SBK1: variants seen among roughly 807,000 people sequenced by gnomAD.
SBK1 encodes serine/threonine-protein kinase SBK1.
Under a neutral mutation model 24.4 loss-of-function variants are expected in SBK1, and 11 were observed. The observed-to-expected ratio is 0.45, with a 90% CI of 0.28 to 0.75. The LOEUF is 0.75. Ranked by LOEUF, SBK1 falls within the 30% of genes least tolerant of loss-of-function variation. The pLI is 0.12. For synonymous variants in SBK1, 308 were observed against 284.4 expected (o/e 1.08, Z -0.83); for missense variants, 467 against 620.5 (o/e 0.75, Z 2.63).
intron 1 of SBK1, among the ~76,000 whole-genome samples, chr16:28,276,480 G>A (rs1354294706): frequency 1.3e-5 from 2 of 152,072 alleles, no homozygotes; most frequent in Non-Finnish European, 2.9e-5. Flanking sequence ...GGCTTGCTTG[G>A]TGCAGGCAGA....
At chr16:28,269,931 C>T (rs770900243) in intron 1 of SBK1, among the ~76,000 whole-genome samples, 4 of 152,038 alleles carry the variant, frequency 2.6e-5, no homozygotes, top group Non-Finnish European at 5.9e-5. Flanking sequence ...CAAAGCCAAT[C>T]GCCAGTAAAT....
rs2044613160 is a variant in SBK1, at chr16:28,293,081, C to G, written c.-227C>G. The G allele has an allele frequency of 1.0e-6, 1 of 985,724 alleles. No individual in the cohort carries two copies. The allele number at this position is 985,724 out of a possible 1,614,324, so 61.1% of individuals were successfully genotyped here. ...CCCCCAACTCCGGTACATAGAAATC[C>G]CAAATCTAGGCAGCCGGGGACAGCA... is the stretch of plus-strand genomic sequence containing the variant. On this transcript the variant is annotated 5_prime_UTR_variant, in exon 1 of 4. Transcript: ENST00000341901.
chr16:28,290,146 G>A (rs747690140), upstream of SBK1, among the ~76,000 whole-genome samples: 7 of 151,982 alleles, frequency 4.6e-5, no homozygotes, highest in Admixed American at 2.6e-4. Flanking sequence ...GGTCAAGGCC[G>A]AATGGAGAAG....
chr16:28,323,046 A>G lies in SBK1; in HGVS notation c.*2125A>G, dbSNP rs368489806. 1.5e-5 allele frequency: 2 copies of G among 129,264 alleles called. No individual in the cohort carries two copies. The highest frequency in any genetic ancestry group is 8.6e-5 in the Admixed American group (1 of 11,634). 8.0% of individuals were successfully genotyped at this position (129,264 alleles called of 1,614,324 possible). A position where few individuals can be genotyped will look rare whatever the true frequency, so the allele number is the denominator to read the frequency against. On this transcript the variant is annotated 3_prime_UTR_variant, in exon 4 of 4. Coordinates refer to ENST00000341901, the MANE Select transcript of SBK1 (RefSeq NM_001024401.3). ...CGGGAGTTTCCCCAGCCGTTGTAGT[A>G]TCTAGTATGTTAGAGTTGGGAGGGG...
intron 1 of SBK1, among the ~76,000 whole-genome samples, chr16:28,271,165 C>T (rs1049508122): frequency 9.9e-5 from 15 of 152,156 alleles, no homozygotes; most frequent in Admixed American, 2.6e-4. Context: ...ACCCGGCCTA[C>T]GCACCCTTAC....
rs1204217291 is a variant in SBK1 at position 28,296,151 on chromosome 16, G to A, written c.-8+2851G>A. Among the ~76,000 whole-genome samples, 23 of 146,906 alleles carry A rather than the reference G, an allele frequency of 1.6e-4. No individual in the cohort carries two copies. The East Asian group carries it at 2.8e-3, about 18-fold the overall frequency. On this transcript the variant is annotated intron_variant, in intron 1 of 3. Coordinates refer to ENST00000341901, the MANE Select transcript of SBK1 (RefSeq NM_001024401.3). ...GCTCTGTTGCCCAGGCTGAAGTGTCGTGGCACAATCTCGGCTCGCTGCGAC... is the reference window on the plus strand; with the variant it reads ...GCTCTGTTGCCCAGGCTGAAGTGTCATGGCACAATCTCGGCTCGCTGCGAC...
chr16:28,322,516 G>C lies in SBK1; in HGVS notation c.*1595G>C, dbSNP rs1157285635. 1 of 152,866 alleles carries C rather than the reference G, an allele frequency of 6.5e-6. No homozygotes were observed. Among genetic ancestry groups the C allele is most frequent in the Admixed American group, 6.5e-5 (1 of 15,268 alleles). 9.5% of individuals were successfully genotyped at this position (152,866 alleles called of 1,614,324 possible). A position where few individuals can be genotyped will look rare whatever the true frequency, so the allele number is the denominator to read the frequency against. On this transcript the variant is annotated 3_prime_UTR_variant, in exon 4 of 4. Transcript: ENST00000341901. ...AGTGAACTCCGAGCACTTTCTGGCTGGTGCCCCAACCTCTCCACTCCCCAC... is the reference window on the plus strand; with the variant it reads ...AGTGAACTCCGAGCACTTTCTGGCTCGTGCCCCAACCTCTCCACTCCCCAC...
At chr16:28,310,738 A>G (rs1567678920) in intron 1 of SBK1, among the ~76,000 whole-genome samples, 1 of 152,168 alleles carries the variant, frequency 6.6e-6, no homozygotes, top group Non-Finnish European at 1.5e-5. Context: ...GATTAAGTGC[A>G]TTAGTCCTGA....
In SBK1 at chr16:28,322,913, GCGCGCGCTCTCTCTCTCCCT is replaced by G. The variant is rs1567682842; in HGVS notation, c.*1994_*2013del. 3.2e-5 allele frequency: 3 copies of G among 94,584 alleles called. No individual in the cohort carries two copies. The highest frequency in any genetic ancestry group is 1.2e-4 in the African/African-American group (3 of 25,888). 5.9% of individuals were successfully genotyped at this position (94,584 alleles called of 1,614,324 possible). A position where few individuals can be genotyped will look rare whatever the true frequency, so the allele number is the denominator to read the frequency against. ...CCTTGCCGTGCTCGCTCTCTCTCTC[GCGCGCGCTCTCTCTCTCCCT>G]CTCTCTCTCTCTCTCTCTCTCTCTC... On this transcript the variant is annotated 3_prime_UTR_variant, in exon 4 of 4. Transcript: ENST00000341901.
At chr16:28,268,608 CA>C (rs2044444484) in intron 1 of SBK1, among the ~76,000 whole-genome samples, 1 of 151,716 alleles carries the variant, frequency 6.6e-6, no homozygotes, top group Non-Finnish European at 1.5e-5. Flanking sequence ...ACTAAAAATA[CA>C]AAAATTAATC....
chr16:28,270,763 G>A (rs1239417496), intron 1 of SBK1, among the ~76,000 whole-genome samples: 1 of 151,868 alleles, frequency 6.6e-6, no homozygotes, highest in Non-Finnish European at 1.5e-5. Context: ...TACTAATAAA[G>A]TGAGAGTAGA....
chr16:28,277,895 G>A (rs1165843576), intron 1 of SBK1, among the ~76,000 whole-genome samples: 2 of 152,242 alleles, frequency 1.3e-5, no homozygotes, highest in Admixed American at 6.5e-5. Flanking sequence ...TCACATATGC[G>A]GACCGGCCGG....
In SBK1 at chr16:28,292,987, A is replaced by T. The variant is rs2044612339; in HGVS notation, c.-321A>T. On this transcript the variant is annotated 5_prime_UTR_variant, in exon 1 of 4. Transcript: ENST00000341901. ...GAGAACCCCCTCCCAAGATCCGGTC[A>T]TTACAACTCCACACCTCAAGACAAG... is the stretch of plus-strand genomic sequence containing the variant. 2.0e-6 allele frequency: 2 copies of T among 985,030 alleles called. No homozygotes were observed. The highest frequency in any genetic ancestry group is 2.4e-6 in the Non-Finnish European group (2 of 829,794). The allele number at this position is 985,030 out of a possible 1,614,324, so 61.0% of individuals were successfully genotyped here.
At chr16:28,308,151 C>T (rs889404737) in intron 1 of SBK1, among the ~76,000 whole-genome samples, 2 of 152,116 alleles carry the variant, frequency 1.3e-5, no homozygotes, top group Non-Finnish European at 1.5e-5. Flanking sequence ...CAAATCTAAT[C>T]TCTCTGGTTT....
chr16:28,298,036 G>A (rs2044652868), intron 1 of SBK1, among the ~76,000 whole-genome samples: 1 of 152,134 alleles, frequency 6.6e-6, no homozygotes, highest in African/African-American at 2.4e-5. Flanking sequence ...GCCTTCTGCT[G>A]GAGAGTTTCC....
At chr16:28,280,462 TG>T (rs1366749272) in intron 1 of SBK1, among the ~76,000 whole-genome samples, 5 of 150,980 alleles carry the variant, frequency 3.3e-5, no homozygotes, top group Non-Finnish European at 7.4e-5. Flanking sequence ...CTCAAAATGC[TG>T]GAATTACAGG....
intron 1 of SBK1, among the ~76,000 whole-genome samples, chr16:28,263,940 CATA>C: frequency 6.6e-6 from 1 of 152,118 alleles, no homozygotes; most frequent in East Asian, 1.9e-4. Flanking sequence ...GCCTGGGCAA[CATA>C]ATGAGATCCT....
At chr16:28,270,957 G>A (rs1433114194) in intron 1 of SBK1, among the ~76,000 whole-genome samples, 2 of 151,858 alleles carry the variant, frequency 1.3e-5, no homozygotes, top group Non-Finnish European at 2.9e-5. Flanking sequence ...TCCGCCTCCC[G>A]GGTACATGCC....
chr16:28,287,686 C>T (rs536512478), upstream of SBK1, among the ~76,000 whole-genome samples: 3 of 152,176 alleles, frequency 2.0e-5, no homozygotes, highest in African/African-American at 7.2e-5. Context: ...TTTTGAAAGA[C>T]AGAGTTTCAC....
Sources: gnomAD v4.1 joint callset for allele counts (sites outside exome capture counted in the v4.1 genomes callset) on GRCh38, gnomAD v4.1.1 for gene constraint, MANE v1.5 for transcripts, NCBI Gene and HGNC (gene_info 2026-07-23, HGNC 2026-07-21) for gene names.